The following DPH6 variants were observed in gnomAD, a reference collection of about 807,000 sequenced individuals.
DPH6 encodes diphthamine biosynthesis 6, also known as diphthine--ammonia ligase.
A neutral mutation model predicts 38.2 loss-of-function variants in DPH6; 33 were observed. The observed-to-expected ratio is 0.86, with a 90% CI of 0.65 to 1.15. DPH6 has a LOEUF of 1.15. DPH6 is among the 50% of genes most tolerant of loss of function. The pLI, the probability that DPH6 is intolerant of heterozygous loss-of-function variation, is 0.00. For synonymous variants in DPH6, 108 were observed against 103.0 expected (o/e 1.05, Z -0.30); for missense variants, 325 against 320.0 (o/e 1.02, Z -0.12).
chr15:35,523,064 T>A (rs2054944004), intron 3 of DPH6, among the ~76,000 whole-genome samples: 1 of 152,072 alleles, frequency 6.6e-6, no homozygotes, highest in Non-Finnish European at 1.5e-5. Context: ...AATTGCTTAT[T>A]ACAGGAGTGT....
intron 5 of DPH6, among the ~76,000 whole-genome samples, chr15:35,448,553 T>A (rs1402013220): frequency 3.9e-5 from 6 of 152,128 alleles, no homozygotes; most frequent in Non-Finnish European, 8.8e-5. Flanking sequence ...AAAAGGATGT[T>A]CTAGGTCTGG....
In DPH6 at chr15:35,538,396, C is replaced by T. The variant is rs779821700; in HGVS notation, c.190G>A (p.Ala64Thr). ...CGGCGATAGAGGGGAAGAGCCATTG[C>T]TTCTGCATACAAGTCAATGGCATGG... ...GHHAIDLYAEAMALPLYRRTI... is the reference protein window; with the variant it reads ...GHHAIDLYAETMALPLYRRTI... Residue 64 changes from alanine to threonine, a missense_variant, in exon 3 of 9, where the codon GCA becomes ACA. Transcript: ENST00000256538. 6.8e-6 allele frequency: 11 copies of T among 1,610,198 alleles called. No individual in the cohort carries two copies. The highest frequency in any genetic ancestry group is 9.3e-6 in the Non-Finnish European group (11 of 1,177,170).
the DPH6 span, among the ~76,000 whole-genome samples, chr15:35,191,016 C>T: frequency 6.6e-6 from 1 of 152,184 alleles, no homozygotes; most frequent in Non-Finnish European, 1.5e-5. Flanking sequence ...TAAGGAAGTG[C>T]TCAGCATGCC....
the DPH6 span, among the ~76,000 whole-genome samples, chr15:35,157,814 G>A: frequency 2.6e-5 from 4 of 151,876 alleles, no homozygotes; most frequent in African/African-American, 4.8e-5. Flanking sequence ...AATGTTCTTC[G>A]TCACTCTCCT....
chr15:35,154,066 T>C, the DPH6 span, among the ~76,000 whole-genome samples: 8 of 152,182 alleles, frequency 5.3e-5, no homozygotes, highest in Non-Finnish European at 1.0e-4. Context: ...AATCAATAAA[T>C]ATTTGTCGAA....
At position 35,296,230 on chromosome 15, in the gene DPH6, C is replaced by T. The variant is rs573948660; in HGVS notation, n.201-75648G>A. Among the ~76,000 whole-genome samples, 32 of 152,294 alleles carry T rather than the reference C, an allele frequency of 2.1e-4. 1 individual carries two copies. Among genetic ancestry groups the T allele is most frequent in the South Asian group, 1.0e-3 (5 of 4,822 alleles). On this transcript the variant is annotated intron_variant and non_coding_transcript_variant, in intron 3 of 3. Coordinates refer to the DPH6 transcript ENST00000560386. Reference sequence around the variant, plus strand: ...CCAGGATTACAGGTGTGAGCCACCACGCCTGGCCTTACTATGTCCATTTTA... The same window carrying T: ...CCAGGATTACAGGTGTGAGCCACCATGCCTGGCCTTACTATGTCCATTTTA...
intron 3 of DPH6, among the ~76,000 whole-genome samples, chr15:35,233,951 A>G (rs2051535353): frequency 6.6e-6 from 1 of 152,056 alleles, no homozygotes; most frequent in South Asian, 2.1e-4. Flanking sequence ...TGTTTTATTT[A>G]TTTTATAGTA....
intron 5 of DPH6, among the ~76,000 whole-genome samples, chr15:35,443,174 CTG>C (rs2053809646): frequency 6.6e-6 from 1 of 152,142 alleles, no homozygotes; most frequent in Non-Finnish European, 1.5e-5. Context: ...TTCTTTTTAA[CTG>C]TTCTCAGAAA....
the DPH6 span, among the ~76,000 whole-genome samples, chr15:35,204,251 G>A: frequency 2.0e-5 from 3 of 151,652 alleles, no homozygotes; most frequent in Non-Finnish European, 3.0e-5. Context: ...CAGAAATTAA[G>A]GCTTGGAAAA....
chr15:35,227,473 G>A (rs565556137), intron 3 of DPH6, among the ~76,000 whole-genome samples: 5 of 151,942 alleles, frequency 3.3e-5, no homozygotes, highest in South Asian at 2.1e-4. Context: ...GTGAGCCACC[G>A]TGCCTGGCCT....
intron 5 of DPH6, among the ~76,000 whole-genome samples, chr15:35,424,749 T>C (rs2053547750): frequency 6.6e-6 from 1 of 151,498 alleles, no homozygotes; most frequent in African/African-American, 2.4e-5. Flanking sequence ...AAAACACCAC[T>C]GAAAAGATTA....
At position 35,546,108 on chromosome 15, in the gene DPH6, G is replaced by C. The variant is rs936552303; in HGVS notation, c.23+11C>G. 1 of 1,400,970 alleles carries C rather than the reference G, an allele frequency of 7.1e-7. No homozygotes were observed. Among genetic ancestry groups the C allele is most frequent in the East Asian group, 3.0e-5 (1 of 32,794 alleles). The allele number at this position is 1,400,970 out of a possible 1,614,324, so 86.8% of individuals were successfully genotyped here. ...CCTAGGAGGAAGGAGGCGGCTCCAG[G>C]ACCGCATTACCTGATCAGAGCCGCG... On this transcript the variant is annotated intron_variant, in intron 1 of 8. Transcript: ENST00000256538.
chr15:35,482,324 C>T (rs1168531843), intron 3 of DPH6, among the ~76,000 whole-genome samples: 2 of 152,166 alleles, frequency 1.3e-5, no homozygotes, highest in Non-Finnish European at 2.9e-5. Flanking sequence ...ATAACCACCA[C>T]ATACATTATG....
intron 3 of DPH6, chr15:35,298,613 C>T (rs767596319): frequency 1.1e-5 from 10 of 877,564 alleles, no homozygotes; most frequent in African/African-American, 3.3e-5. Context: ...CGTGGCGTCA[C>T]CCACGATGAT....
the DPH6 span, among the ~76,000 whole-genome samples, chr15:35,175,841 CA>C: frequency 6.6e-6 from 1 of 152,158 alleles, no homozygotes; most frequent in African/African-American, 2.4e-5. Context: ...GCTTTGCACA[CA>C]AAAAATAAAT....
the DPH6 span, among the ~76,000 whole-genome samples, chr15:35,165,187 A>G: frequency 1.6e-3 from 248 of 151,994 alleles, no homozygotes; most frequent in Non-Finnish European, 3.0e-3. Context: ...TGACAACTTT[A>G]TTACACACCC....
the DPH6 span, among the ~76,000 whole-genome samples, chr15:35,210,683 G>GC: frequency 3.0e-4 from 46 of 152,132 alleles, 1 homozygote; most frequent in South Asian, 8.7e-3. Flanking sequence ...CATAATATAT[G>GC]CCCCAATTAA....
At chr15:35,216,648 G>A (rs7165251), downstream of DPH6, among the ~76,000 whole-genome samples, 25,661 of 152,142 alleles carry the variant, frequency 0.17, 2,390 homozygotes, top group South Asian at 0.29. Flanking sequence ...TTTACCAAGT[G>A]CCTATATGTG....
chr15:35,275,074 C>A (rs1210829426), intron 3 of DPH6, among the ~76,000 whole-genome samples: 2 of 152,064 alleles, frequency 1.3e-5, no homozygotes, highest in African/African-American at 4.8e-5. Context: ...GCCACCACGC[C>A]TGGCTAATTT....
Sources: allele counts gnomAD v4.1 joint callset (sites outside exome capture counted in the v4.1 genomes callset), GRCh38; gene constraint gnomAD v4.1.1; transcripts MANE v1.5; gene names NCBI Gene and HGNC (gene_info 2026-07-23, HGNC 2026-07-21).